LRRC63: variants seen among roughly 807,000 people sequenced by gnomAD.
The protein encoded by LRRC63 is leucine-rich repeat-containing protein 63.
In LRRC63, 40 loss-of-function variants were observed where a neutral mutation model predicts 49.5. The observed-to-expected ratio is 0.81, with a 90% CI of 0.63 to 1.05. The LOEUF (loss-of-function observed/expected upper bound fraction) is 1.05. Ranked by LOEUF, LRRC63 falls within the 50% of genes least tolerant of loss-of-function variation. The pLI is 0.00. For missense variants in LRRC63, 636 were observed against 663.1 expected, an observed-to-expected ratio of 0.96 and a Z score of 0.45; for synonymous variants, 191 against 221.1, an observed-to-expected ratio of 0.86 and a Z score of 1.21.
chr13:46,227,925 A>G lies in LRRC63; in HGVS notation c.499A>G (p.Ile167Val), dbSNP rs533017016. 13 of 1,550,654 alleles carry G rather than the reference A, an allele frequency of 8.4e-6. No individual in the cohort carries two copies. In the African/African-American group the frequency reaches 1.2e-4, roughly 15 times the overall value. Residue 167 changes from isoleucine (I) to valine (V), a missense_variant, in exon 3 of 10, where the codon ATC becomes GTC. By Grantham distance (29) the Ile-to-Val change is conservative. Coordinates refer to ENST00000595396, the Ensembl canonical transcript of LRRC63. ...ACCTAAAAGTACTCCTGGCTCAGTT[A>G]TCGCTCAAAAACTTGAGAAAATGCA...
chr13:46,265,945 A>C (rs1315728558), intron 8 of LRRC63, among the ~76,000 whole-genome samples: 1 of 152,228 alleles, frequency 6.6e-6, no homozygotes, highest in Non-Finnish European at 1.5e-5. Flanking sequence ...AGCAGGAGTC[A>C]TAAATAAGTT....
At chr13:46,226,142 C>G (rs2138396177) in intron 2 of LRRC63, among the ~76,000 whole-genome samples, 1 of 151,942 alleles carries the variant, frequency 6.6e-6, no homozygotes, top group South Asian at 2.1e-4. Flanking sequence ...TGATGCCACA[C>G]TTGGCTAATT....
Position 46,267,554 on chromosome 13 carries a change from T to G in LRRC63, c.1550+582T>G, listed in dbSNP as rs573661362. Among the ~76,000 whole-genome samples the G allele has an allele frequency of 5.9e-5, 9 of 152,318 alleles. No individual in the cohort carries two copies. The East Asian group carries it at 1.7e-3, about 29-fold the overall frequency. Reference sequence around the variant, plus strand: ...GTGCTTAGGTTATTAATTTAACAAATATTTGCTATGTGCCTAAGTAAAATG... The same window carrying G: ...GTGCTTAGGTTATTAATTTAACAAAGATTTGCTATGTGCCTAAGTAAAATG... On this transcript the variant is annotated intron_variant, in intron 9 of 9. Transcript: ENST00000595396.
At chr13:46,250,963 T>C (rs1378181860) in intron 7 of LRRC63, among the ~76,000 whole-genome samples, 2 of 151,908 alleles carry the variant, frequency 1.3e-5, no homozygotes. Flanking sequence ...TAAGACCCTT[T>C]CAACTCCATA....
chr13:46,244,271 C>G (rs1417854721), intron 5 of LRRC63, among the ~76,000 whole-genome samples: 1 of 151,718 alleles, frequency 6.6e-6, no homozygotes, highest in Admixed American at 6.6e-5. Context: ...TTTTTTCTTA[C>G]CCTTTTCTAT....
chr13:46,227,986 A>G (rs1205211500), exon 3 of LRRC63: 5 of 1,551,080 alleles, frequency 3.2e-6, no homozygotes, highest in East Asian at 2.4e-5. Flanking sequence ...AGTCCAGGCT[A>G]TACTTATCAG....
chr13:46,266,795 A>G, exon 9 of LRRC63: 1 of 1,550,076 alleles, frequency 6.5e-7, no homozygotes, highest in Non-Finnish European at 8.7e-7. Flanking sequence ...GGAATTTTGA[A>G]GCTTAACCTG....
At chr13:46,224,047 T>C (rs2046496423) in intron 2 of LRRC63, among the ~76,000 whole-genome samples, 1 of 152,178 alleles carries the variant, frequency 6.6e-6, no homozygotes, top group Non-Finnish European at 1.5e-5. Flanking sequence ...TTTTGCATTG[T>C]GTTTGCCTAG....
intron 5 of LRRC63, among the ~76,000 whole-genome samples, chr13:46,239,249 TAAA>T (rs1408811113): frequency 6.6e-6 from 1 of 151,824 alleles, no homozygotes. Flanking sequence ...GTTAGACTAA[TAAA>T]GAAGAAGAAA....
intron 7 of LRRC63, among the ~76,000 whole-genome samples, chr13:46,254,453 G>A (rs1341998205): frequency 1.1e-4 from 16 of 152,116 alleles, no homozygotes; most frequent in Non-Finnish European, 2.9e-5. Context: ...TTCTGGTCTT[G>A]AACAGGAGGA....
At chr13:46,266,240 G>T (rs2047682653) in intron 8 of LRRC63, among the ~76,000 whole-genome samples, 1 of 152,156 alleles carries the variant, frequency 6.6e-6, no homozygotes, top group Non-Finnish European at 1.5e-5. Context: ...AATAATAAGG[G>T]TTATTAGAAG....
intron 4 of LRRC63, among the ~76,000 whole-genome samples, chr13:46,229,905 T>G (rs541419124): frequency 6.6e-6 from 1 of 152,272 alleles, no homozygotes; most frequent in East Asian, 1.9e-4. Flanking sequence ...CTTTTACTCA[T>G]GGTATACAGC....
intron 7 of LRRC63, among the ~76,000 whole-genome samples, chr13:46,256,533 A>G (rs2047513464): frequency 6.6e-6 from 1 of 152,192 alleles, no homozygotes; most frequent in Admixed American, 6.5e-5. Flanking sequence ...CTATTTCAAA[A>G]TTGCTTGGAA....
intron 9 of LRRC63, among the ~76,000 whole-genome samples, chr13:46,274,935 A>C (rs1206717639): frequency 6.6e-6 from 1 of 152,096 alleles, no homozygotes; most frequent in African/African-American, 2.4e-5. Context: ...TAGAACACTA[A>C]AACTCCTATC....
intron 4 of LRRC63, among the ~76,000 whole-genome samples, chr13:46,233,982 T>C (rs75252843): frequency 0.064 from 9,672 of 152,180 alleles, 694 homozygotes; most frequent in African/African-American, 0.18. Context: ...AATGGTGCAT[T>C]TAAAATTACA....
intron 2 of LRRC63, among the ~76,000 whole-genome samples, chr13:46,220,745 C>T (rs1239874016): frequency 6.6e-6 from 1 of 151,888 alleles, no homozygotes; most frequent in Non-Finnish European, 1.5e-5. Flanking sequence ...GGTGTAGGCA[C>T]CTGAGGGAAT....
At chr13:46,245,099 A>T (rs962096642) in intron 5 of LRRC63, among the ~76,000 whole-genome samples, 30 of 152,202 alleles carry the variant, frequency 2.0e-4, no homozygotes, top group Admixed American at 7.2e-4. Flanking sequence ...AATATTACCA[A>T]GTATAGAGAA....
chr13:46,250,375 A>T, exon 7 of LRRC63: 1 of 1,517,420 alleles, frequency 6.6e-7, no homozygotes. Context: ...TTAAAAATTT[A>T]CAAATACTGA....
At chr13:46,219,647 C>T (rs1376904336) in intron 2 of LRRC63, among the ~76,000 whole-genome samples, 2 of 152,182 alleles carry the variant, frequency 1.3e-5, no homozygotes, top group African/African-American at 4.8e-5. Context: ...TCCTTGCTGG[C>T]ATGGAGTTGT....
Sources: allele counts gnomAD v4.1 joint callset (sites outside exome capture counted in the v4.1 genomes callset), GRCh38; gene constraint gnomAD v4.1.1; transcripts MANE v1.5; gene names NCBI Gene and HGNC (gene_info 2026-07-23, HGNC 2026-07-21).